The following CLVS1 variants were observed in gnomAD, a reference collection of about 807,000 sequenced individuals.
CLVS1 encodes the protein clavesin-1.
In CLVS1, 10 loss-of-function variants were observed where a neutral mutation model predicts 33.1. That is an observed-to-expected ratio of 0.30 (90% CI 0.19 to 0.51). CLVS1 has a LOEUF of 0.51. CLVS1 is among the 20% of genes least tolerant of loss of function. The pLI, the probability that CLVS1 is intolerant of heterozygous loss-of-function variation, is 0.97. For synonymous variants in CLVS1, 163 were observed against 166.1 expected, an observed-to-expected ratio of 0.98 and a Z score of 0.14; for missense variants, 343 against 433.4, an observed-to-expected ratio of 0.79 and a Z score of 1.85.
At chr8:61,389,606 A>T (rs1052736976) in intron 3 of CLVS1, among the ~76,000 whole-genome samples, 4 of 152,146 alleles carry the variant, frequency 2.6e-5, no homozygotes, top group African/African-American at 9.7e-5. Context: ...AAATTTTGCA[A>T]CTGAAGCTAG....
intron 2 of CLVS1, among the ~76,000 whole-genome samples, chr8:61,355,238 G>T (rs960923126): frequency 2.0e-5 from 3 of 151,572 alleles, no homozygotes; most frequent in Non-Finnish European, 4.4e-5. Context: ...TATTTAGCCT[G>T]AATCCAACCA....
the CLVS1 span, among the ~76,000 whole-genome samples, chr8:61,003,622 G>A: frequency 1.1e-4 from 16 of 152,170 alleles, no homozygotes; most frequent in African/African-American, 1.4e-4. Context: ...GAACTGGTCC[G>A]TCTTGTGCCC....
chr8:61,333,050 G>A (rs1014665084), intron 2 of CLVS1, among the ~76,000 whole-genome samples: 11 of 152,190 alleles, frequency 7.2e-5, no homozygotes, highest in African/African-American at 2.4e-4. Context: ...TCTTGACGAT[G>A]TGAGTTAGCA....
At chr8:61,485,240 A>T (rs1180846884) in intron 5 of CLVS1, among the ~76,000 whole-genome samples, 3 of 152,210 alleles carry the variant, frequency 2.0e-5, no homozygotes, top group Non-Finnish European at 4.4e-5. Context: ...ACTCAAACAA[A>T]TTTACAAGAA....
intron 2 of CLVS1, among the ~76,000 whole-genome samples, chr8:61,362,338 C>A (rs1484181557): frequency 6.6e-6 from 1 of 152,172 alleles, no homozygotes; most frequent in African/African-American, 2.4e-5. Context: ...ATACATTGGT[C>A]AGTCTCCCCT....
intron 1 of CLVS1, among the ~76,000 whole-genome samples, chr8:61,297,109 G>A (rs1483018544): frequency 6.6e-6 from 1 of 152,138 alleles, no homozygotes; most frequent in South Asian, 2.1e-4. Flanking sequence ...AGAAGCTGCC[G>A]ATGGCTGCAT....
chr8:61,492,932 A>T (rs1804144268), intron 5 of CLVS1, among the ~76,000 whole-genome samples: 1 of 152,198 alleles, frequency 6.6e-6, no homozygotes, highest in African/African-American at 2.4e-5. Context: ...GAACAGAAGA[A>T]TACATGTCCT....
chr8:61,350,900 G>C (rs921739213), intron 2 of CLVS1, among the ~76,000 whole-genome samples: 1 of 152,148 alleles, frequency 6.6e-6, no homozygotes, highest in Non-Finnish European at 1.5e-5. Context: ...GGTAGACATG[G>C]TGTGCTGAAG....
At chr8:61,033,958 G>C in the CLVS1 span, among the ~76,000 whole-genome samples, 7 of 152,198 alleles carry the variant, frequency 4.6e-5, no homozygotes, top group Non-Finnish European at 1.0e-4. Context: ...ATTGAGAAAA[G>C]TCCTTTGCCA....
intron 3 of CLVS1, among the ~76,000 whole-genome samples, chr8:61,390,829 T>C (rs1375463313): frequency 1.3e-5 from 2 of 152,248 alleles, no homozygotes; most frequent in African/African-American, 4.8e-5. Flanking sequence ...TTTTCATAAC[T>C]TAAATTTACA....
At chr8:61,332,993 A>G (rs756406282) in intron 2 of CLVS1, among the ~76,000 whole-genome samples, 2 of 152,086 alleles carry the variant, frequency 1.3e-5, no homozygotes, top group Non-Finnish European at 2.9e-5. Flanking sequence ...ACCAACCTTT[A>G]TTTAGTTTCG....
chr8:61,121,379 G>A (rs1288396021), intron 1 of CLVS1, among the ~76,000 whole-genome samples: 6 of 152,018 alleles, frequency 3.9e-5, no homozygotes, highest in Admixed American at 3.3e-4. Context: ...GTTCCTATTC[G>A]GCCATCTTGG....
At chr8:61,245,028 T>C (rs1276020163) in intron 2 of CLVS1, among the ~76,000 whole-genome samples, 1 of 152,210 alleles carries the variant, frequency 6.6e-6, no homozygotes, top group Non-Finnish European at 1.5e-5. Context: ...TTCTGGTATA[T>C]CCAGCCTTTT....
intron 3 of CLVS1, among the ~76,000 whole-genome samples, chr8:61,419,930 A>G (rs944980590): frequency 3.9e-5 from 6 of 152,246 alleles, no homozygotes; most frequent in Non-Finnish European, 5.9e-5. Flanking sequence ...CTGTTCACCT[A>G]TTAGCATTAT....
chr8:61,355,520 C>T (rs1029408008), intron 2 of CLVS1, among the ~76,000 whole-genome samples: 1 of 151,994 alleles, frequency 6.6e-6, no homozygotes, highest in Non-Finnish European at 1.5e-5. Context: ...CCCATTAACT[C>T]GTCATTTAGC....
intron 2 of CLVS1, among the ~76,000 whole-genome samples, chr8:61,194,111 A>G (rs189243211): frequency 6.6e-6 from 1 of 152,034 alleles, no homozygotes; most frequent in Non-Finnish European, 1.5e-5. Flanking sequence ...ATGAAAATAC[A>G]TGTTTGATTC....
intron 3 of CLVS1, among the ~76,000 whole-genome samples, chr8:61,381,544 G>C (rs141932083): frequency 6.6e-6 from 1 of 152,254 alleles, no homozygotes; most frequent in African/African-American, 2.4e-5. Flanking sequence ...CCCAGGTAGT[G>C]AGCATAATAC....
intron 3 of CLVS1, among the ~76,000 whole-genome samples, chr8:61,451,065 G>C (rs1330404853): frequency 1.3e-5 from 2 of 152,012 alleles, no homozygotes; most frequent in Non-Finnish European, 2.9e-5. Flanking sequence ...AATCAAGCAG[G>C]GCAGGACATT....
the CLVS1 span, among the ~76,000 whole-genome samples, chr8:60,999,223 C>T: frequency 6.6e-6 from 1 of 152,196 alleles, no homozygotes; most frequent in African/African-American, 2.4e-5. Context: ...GCGTGCAGTG[C>T]TACTACTGGC....
Sources: allele counts gnomAD v4.1 joint callset (sites outside exome capture counted in the v4.1 genomes callset), GRCh38; gene constraint gnomAD v4.1.1; transcripts MANE v1.5; gene names NCBI Gene and HGNC (gene_info 2026-07-23, HGNC 2026-07-21).